The following SOX5 variants were observed in gnomAD, a reference collection of about 807,000 sequenced individuals.
The protein encoded by SOX5 is SRY-box transcription factor 5, also known as transcription factor SOX-5.
Under a neutral mutation model 92.0 loss-of-function variants are expected in SOX5, and 9 were observed. The ratio of observed to expected loss-of-function variants is 0.10; its 90% confidence interval spans 0.06 to 0.17. The LOEUF (loss-of-function observed/expected upper bound fraction) is 0.17, where lower values mean the gene tolerates loss of function less well. SOX5 is among the 10% of genes least tolerant of loss of function. The pLI, the probability that SOX5 is intolerant of heterozygous loss-of-function variation, is 1.00. For synonymous variants in SOX5, 344 were observed against 336.3 expected (o/e 1.02, Z -0.25); for missense variants, 642 against 944.5 (o/e 0.68, Z 4.20).
chr12:24,433,781 A>G (rs1281381896), intron 1 of SOX5, among the ~76,000 whole-genome samples: 2 of 152,176 alleles, frequency 1.3e-5, no homozygotes, highest in African/African-American at 4.8e-5. Flanking sequence ...TGTGATCTGT[A>G]TAGATCCCAG....
At chr12:23,936,664 A>G (rs1221802499) in intron 1 of SOX5, among the ~76,000 whole-genome samples, 1 of 150,902 alleles carries the variant, frequency 6.6e-6, no homozygotes, top group African/African-American at 2.4e-5. Flanking sequence ...AGCACCATCC[A>G]ATAGAAATAT....
At chr12:24,028,332 T>C (rs1211294542) in intron 4 of SOX5, among the ~76,000 whole-genome samples, 3 of 152,008 alleles carry the variant, frequency 2.0e-5, no homozygotes, top group Non-Finnish European at 2.9e-5. Context: ...TTCTCAATAT[T>C]GTTGGATGAA....
chr12:24,049,897 A>T (rs2137107815), intron 4 of SOX5, among the ~76,000 whole-genome samples: 1 of 151,996 alleles, frequency 6.6e-6, no homozygotes, highest in Non-Finnish European at 1.5e-5. Flanking sequence ...ATGTTTTACA[A>T]ATCACCATCT....
chr12:24,147,564 G>C (rs1022532233), intron 4 of SOX5, among the ~76,000 whole-genome samples: 1 of 152,142 alleles, frequency 6.6e-6, no homozygotes, highest in Non-Finnish European at 1.5e-5. Flanking sequence ...GGTTGTATGG[G>C]AGTGCAATAA....
intron 4 of SOX5, among the ~76,000 whole-genome samples, chr12:24,143,189 A>G (rs1023673577): frequency 2.0e-5 from 3 of 152,244 alleles, no homozygotes; most frequent in African/African-American, 7.2e-5. Context: ...ACCCAAAGGG[A>G]TTGATCTGCT....
At chr12:24,546,728 T>A (rs1952656750) in intron 1 of SOX5, among the ~76,000 whole-genome samples, 1 of 152,186 alleles carries the variant, frequency 6.6e-6, no homozygotes, top group African/African-American at 2.4e-5. Context: ...CTAAGAAATA[T>A]AACTGATAAA....
Position 23,744,615 on chromosome 12 carries a change from A to G in SOX5, c.569-3576T>C, listed in dbSNP as rs565787615. On this transcript the variant is annotated intron_variant, in intron 4 of 14. Transcript: ENST00000451604. ...ATTTTAATGAAAATTATATTTTTCA[A>G]TATTATTATGTTCATATTAGTAAAT... Among the ~76,000 whole-genome samples, 21 of 152,202 alleles carry G rather than the reference A, an allele frequency of 1.4e-4. No homozygotes were observed. The South Asian group carries it at 4.4e-3, about 32-fold the overall frequency.
At chr12:23,749,493 G>A (rs1345447505) in intron 4 of SOX5, among the ~76,000 whole-genome samples, 1 of 151,800 alleles carries the variant, frequency 6.6e-6, no homozygotes, top group Non-Finnish European at 1.5e-5. Context: ...CATGTTAAGG[G>A]TGACACCATT....
At chr12:23,838,846 G>GCGGC (rs1555374990) in intron 3 of SOX5, among the ~76,000 whole-genome samples, 2 of 95,736 alleles carry the variant, frequency 2.1e-5, no homozygotes, top group Non-Finnish European at 4.4e-5. Flanking sequence ...TTTTTTTTGG[G>GCGGC]GGGGGGGGGC....
chr12:23,670,289 G>A (rs935355270), intron 6 of SOX5, among the ~76,000 whole-genome samples: 3 of 152,200 alleles, frequency 2.0e-5, no homozygotes, highest in Non-Finnish European at 4.4e-5. Context: ...ATTGCAAAAG[G>A]GTGAGGACTG....
intron 2 of SOX5, among the ~76,000 whole-genome samples, chr12:23,872,321 T>C (rs2096883843): frequency 6.6e-6 from 1 of 151,880 alleles, no homozygotes; most frequent in Non-Finnish European, 1.5e-5. Flanking sequence ...CCATTTATTC[T>C]TACTGAATCT....
chr12:23,744,888 G>A (rs1490616496), intron 4 of SOX5, among the ~76,000 whole-genome samples: 5 of 152,148 alleles, frequency 3.3e-5, no homozygotes, highest in Non-Finnish European at 7.3e-5. Flanking sequence ...GGGTTGATCT[G>A]TTCCAGGCCT....
rs550728884 is a variant in SOX5, at chr12:24,032,598, T to C, written c.-1-136574A>G. Among the ~76,000 whole-genome samples, 36 of 152,008 alleles carry C rather than the reference T, an allele frequency of 2.4e-4. No individual in the cohort carries two copies. In the South Asian group the frequency reaches 7.5e-3, roughly 31 times the overall value. Reference sequence around the variant, plus strand: ...TGCTAGCATTTCCTGCTGTTAACTGTAGTAACTACTTGTAAATGACATTTA... The same window carrying C: ...TGCTAGCATTTCCTGCTGTTAACTGCAGTAACTACTTGTAAATGACATTTA... On this transcript the variant is annotated intron_variant, in intron 4 of 4. Transcript: ENST00000446891.
At chr12:23,553,414 A>C (rs934586886) in intron 11 of SOX5, among the ~76,000 whole-genome samples, 2 of 152,080 alleles carry the variant, frequency 1.3e-5, no homozygotes, top group African/African-American at 4.8e-5. Context: ...AGCTACTCAA[A>C]AGAATGTATA....
At chr12:24,432,320 T>C (rs1414083911) in intron 1 of SOX5, among the ~76,000 whole-genome samples, 2 of 152,306 alleles carry the variant, frequency 1.3e-5, no homozygotes, top group East Asian at 3.9e-4. Flanking sequence ...ATGGAGTTCT[T>C]GTAAGGAGTC....
At chr12:24,510,798 C>A (rs1014471917) in intron 1 of SOX5, among the ~76,000 whole-genome samples, 6 of 152,114 alleles carry the variant, frequency 3.9e-5, no homozygotes, top group Admixed American at 3.9e-4. Context: ...AGGTATCTGG[C>A]CTCAACAAGA....
At chr12:23,599,099 A>C in intron 9 of SOX5, among the ~76,000 whole-genome samples, 1 of 152,186 alleles carries the variant, frequency 6.6e-6, no homozygotes. Flanking sequence ...CCATTTCAGC[A>C]AAAAAATAGG....
intron 1 of SOX5, chr12:24,407,418 A>G (rs766190591): frequency 6.6e-6 from 1 of 152,198 alleles, no homozygotes; most frequent in Non-Finnish European, 1.5e-5. Context: ...AACAGCATTT[A>G]ATTTCAGGTT....
chr12:23,829,181 G>T (rs1285806467), intron 3 of SOX5, among the ~76,000 whole-genome samples: 2 of 151,922 alleles, frequency 1.3e-5, no homozygotes, highest in East Asian at 1.9e-4. Context: ...TAGGGCAAAT[G>T]CTTGATATCC....
Sources: allele counts gnomAD v4.1 joint callset (sites outside exome capture counted in the v4.1 genomes callset), GRCh38; gene constraint gnomAD v4.1.1; transcripts MANE v1.5; gene names NCBI Gene and HGNC (gene_info 2026-07-23, HGNC 2026-07-21).